Variants in ENPP4 observed in about 807,000 individuals in gnomAD.
ENPP4 encodes the protein bis(5'-adenosyl)-triphosphatase ENPP4.
ENPP4 carries 18 observed loss-of-function variants against 33.4 expected under a neutral mutation model. The observed-to-expected ratio is 0.54, with a 90% CI of 0.37 to 0.80. ENPP4 has a LOEUF of 0.80. Ranked by LOEUF, ENPP4 falls within the 30% of genes least tolerant of loss-of-function variation. The probability of loss-of-function intolerance (pLI) is 0.00; values close to 1 mark genes in which losing one functional copy is unlikely to be tolerated. For synonymous variants in ENPP4, 172 were observed against 189.9 expected, an observed-to-expected ratio of 0.91 and a Z score of 0.78; for missense variants, 480 against 541.7, an observed-to-expected ratio of 0.89 and a Z score of 1.13.
intron 1 of ENPP4, among the ~76,000 whole-genome samples, chr6:46,132,037 G>T (rs9472692): frequency 0.32 from 47,873 of 151,896 alleles, 7,983 homozygotes; most frequent in Middle Eastern, 0.44. Context: ...TGAATTCATT[G>T]TAGATTCTGG....
Position 46,141,033 on chromosome 6 carries a change from GTTTCT to G in ENPP4, c.827-15_827-11del. 1.3e-6 allele frequency: 2 copies of G among 1,527,962 alleles called. No individual in the cohort carries two copies. Among genetic ancestry groups the G allele is most frequent in the East Asian group, 2.3e-5 (1 of 43,650 alleles). The allele number at this position is 1,527,962 out of a possible 1,614,324, so 94.7% of individuals were successfully genotyped here. A position where few individuals can be genotyped will look rare whatever the true frequency, so the allele number is the denominator to read the frequency against. ...TCAATCATAACTTGTTTCCTTTGCT[GTTTCT>G]TTTTTTTTCTCAGATAGAACAGAGG... On this transcript the variant is annotated splice_polypyrimidine_tract_variant and intron_variant, in intron 2 of 3. Coordinates refer to ENST00000321037, the MANE Select transcript of ENPP4 (RefSeq NM_014936.5).
intron 3 of ENPP4, among the ~76,000 whole-genome samples, chr6:46,142,754 C>G (rs986881248): frequency 7.9e-5 from 12 of 151,604 alleles, no homozygotes; most frequent in Non-Finnish European, 1.2e-4. Context: ...CTATCATATG[C>G]TTTTCTTTAA....
intron 1 of ENPP4, among the ~76,000 whole-genome samples, chr6:46,137,577 T>C (rs1423613542): frequency 6.6e-6 from 1 of 151,858 alleles, no homozygotes; most frequent in Non-Finnish European, 1.5e-5. Flanking sequence ...GTAAGTACCA[T>C]TGTCTAGATT....
At position 46,144,921 on chromosome 6, in the gene ENPP4, G is replaced by A; in HGVS notation, c.*1281G>A. On this transcript the variant is annotated 3_prime_UTR_variant, in exon 4 of 4. Transcript: ENST00000321037. ...GTTTAACATGTTTGTTCAGAGCCAA[G>A]GGTTTATTGTGAAGAACTGTCATCC... is the stretch of plus-strand genomic sequence containing the variant. 2.5e-6 allele frequency: 1 copy of A among 396,260 alleles called. No homozygotes were observed. The highest frequency in any genetic ancestry group is 4.5e-6 in the Non-Finnish European group (1 of 224,388). 24.5% of individuals were successfully genotyped at this position (396,260 alleles called of 1,614,324 possible).
rs1285370354 is a variant in ENPP4, at chr6:46,139,925, T to A, written c.342T>A (p.Asn114Lys). 1 of 1,612,914 alleles carries A rather than the reference T, an allele frequency of 6.2e-7. No homozygotes were observed. The highest frequency in any genetic ancestry group is 1.1e-5 in the South Asian group (1 of 91,062). Reference protein sequence around the residue: ...DSNDKDPFWWNEAVPIWVTNQ... With the variant: ...DSNDKDPFWWKEAVPIWVTNQ... ...ATGACAAGGATCCTTTTTGGTGGAA[T>A]GAGGCAGTACCTATTTGGGTGACCA... Residue 114 changes from asparagine (N) to lysine (K), a missense_variant, in exon 2 of 4, where the codon AAT (asparagine) becomes AAA (lysine). Physicochemically the swap from Asn to Lys is moderately conservative, Grantham distance 94. This residue lies in a region of ENPP4 where 227 missense variants were observed against 273.7 expected (regional missense o/e 0.83). Transcript: ENST00000321037.
In ENPP4 at chr6:46,140,349, G is replaced by C. The variant is rs767656795; in HGVS notation, c.766G>C (p.Asp256His). Residue 256 changes from aspartate to histidine, a missense_variant, in exon 2 of 4, where the codon GAT (aspartate) becomes CAT (histidine). Physicochemically the swap from Asp to His is moderately conservative, Grantham distance 81. Around this residue, in one of 3 missense-constraint regions of ENPP4, gnomAD observed 249 missense variants for 251.8 expected, o/e 0.99. Transcript: ENST00000321037. ...ACTGATAAACCTGGATTCCTGCATCGATCATTCATACTACACTCTTATAGA... is the reference window on the plus strand; with the variant it reads ...ACTGATAAACCTGGATTCCTGCATCCATCATTCATACTACACTCTTATAGA... Reference protein sequence around the residue: ...DRLINLDSCIDHSYYTLIDLS... With the variant: ...DRLINLDSCIHHSYYTLIDLS... 1.2e-6 allele frequency: 2 copies of C among 1,609,368 alleles called. No individual in the cohort carries two copies. Among genetic ancestry groups the C allele is most frequent in the East Asian group, 4.5e-5 (2 of 44,832 alleles).
At chr6:46,139,381 T>A (rs1764021788) in intron 1 of ENPP4, among the ~76,000 whole-genome samples, 170 bp from the exon 2 acceptor site, 1 of 151,256 alleles carries the variant, frequency 6.6e-6, no homozygotes, top group Non-Finnish European at 1.5e-5. Context: ...CAAGACAATT[T>A]TTTTTCCAAT....
At position 46,141,178 on chromosome 6, in the gene ENPP4, C is replaced by T. The variant is rs763623755; in HGVS notation, c.953C>T (p.Ala318Val). 1.2e-6 allele frequency: 2 copies of T among 1,609,162 alleles called. No individual in the cohort carries two copies. The highest frequency in any genetic ancestry group is 1.7e-6 in the Non-Finnish European group (2 of 1,176,864). Residue 318 changes from alanine to valine, a missense_variant, in exon 3 of 4, where the codon GCC (alanine) becomes GTC (valine). Around this residue, in one of 3 missense-constraint regions of ENPP4, gnomAD observed 249 missense variants for 251.8 expected, o/e 0.99. Coordinates refer to ENST00000321037, the MANE Select transcript of ENPP4 (RefSeq NM_014936.5). Reference sequence around the variant, plus strand: ...CGAATTCAGCCCATTATTTTGGTTGCCGATGAAGGCTGGACAATTGTGCTA... The same window carrying T: ...CGAATTCAGCCCATTATTTTGGTTGTCGATGAAGGCTGGACAATTGTGCTA... ...NDRIQPIILV[A>V]DEGWTIVLNE...
At chr6:46,132,558 A>C (rs1034211957) in intron 1 of ENPP4, among the ~76,000 whole-genome samples, 1 of 152,036 alleles carries the variant, frequency 6.6e-6, no homozygotes, top group African/African-American at 2.4e-5. Flanking sequence ...GTTACTGTGG[A>C]CTTGTAGTAT....
intron 1 of ENPP4, among the ~76,000 whole-genome samples, chr6:46,138,632 T>C (rs1175911599): frequency 6.6e-6 from 1 of 151,740 alleles, no homozygotes; most frequent in Non-Finnish European, 1.5e-5. Flanking sequence ...TTGCTCCTTC[T>C]CTCCTGTTAC....
At position 46,145,713 on chromosome 6, in the gene ENPP4, G is replaced by A. The variant is rs374976841; in HGVS notation, c.*2073G>A. The A allele has an allele frequency of 1.7e-4, 26 of 151,904 alleles. No homozygotes were observed. In the East Asian group the frequency reaches 2.9e-3, roughly 17 times the overall value. 9.4% of individuals were successfully genotyped at this position (151,904 alleles called of 1,614,324 possible). On this transcript the variant is annotated 3_prime_UTR_variant, in exon 4 of 4. Coordinates refer to ENST00000321037, the MANE Select transcript of ENPP4 (RefSeq NM_014936.5). ...ATTTTATATAGGATGGAACAGGAAG[G>A]TATGTCCTGTCAGTATCTTAACCCT...
rs1487506245 is a variant in ENPP4, at chr6:46,140,353, A to C, written c.770A>C (p.His257Pro). 1.9e-6 allele frequency: 3 copies of C among 1,609,358 alleles called. No individual in the cohort carries two copies. In the South Asian group the frequency reaches 3.3e-5, roughly 18 times the overall value. The stretch of plus-strand genomic sequence containing the variant: ...ATAAACCTGGATTCCTGCATCGATC[A>C]TTCATACTACACTCTTATAGATTTG... Reference protein sequence around the residue: ...RLINLDSCIDHSYYTLIDLSP... With the variant: ...RLINLDSCIDPSYYTLIDLSP... Residue 257 changes from histidine (H) to proline (P), a missense_variant, in exon 2 of 4, where the codon CAT becomes CCT. Physicochemically the swap from His to Pro is moderately conservative, Grantham distance 77. Transcript: ENST00000321037.
intron 1 of ENPP4, among the ~76,000 whole-genome samples, chr6:46,130,442 G>A (rs1377696872): frequency 2.0e-5 from 3 of 152,348 alleles, no homozygotes; most frequent in East Asian, 3.9e-4. Flanking sequence ...AAGGCAACCT[G>A]TGGTGTTAAG....
chr6:46,133,847 C>T (rs1763938165), intron 1 of ENPP4, among the ~76,000 whole-genome samples: 2 of 152,026 alleles, frequency 1.3e-5, no homozygotes, highest in South Asian at 2.1e-4. Context: ...GACATGGATC[C>T]GGCACTGCTA....
intron 1 of ENPP4, among the ~76,000 whole-genome samples, chr6:46,133,274 C>A (rs1205198250): frequency 1.3e-5 from 2 of 152,026 alleles, no homozygotes; most frequent in Non-Finnish European, 2.9e-5. Context: ...ATTTAGAATC[C>A]TACGATTTTT....
At chr6:46,130,809 G>A (rs953476193) in intron 1 of ENPP4, among the ~76,000 whole-genome samples, 1 of 152,152 alleles carries the variant, frequency 6.6e-6, no homozygotes, top group African/African-American at 2.4e-5. Flanking sequence ...CGAAAGTCAG[G>A]CTCAGAGAAG....
chr6:46,138,259 C>G (rs1259263595), intron 1 of ENPP4, among the ~76,000 whole-genome samples: 1 of 151,798 alleles, frequency 6.6e-6, no homozygotes, highest in Non-Finnish European at 1.5e-5. Context: ...TGCTGCAGCC[C>G]CAATTTCAGC....
rs1007879741 is a variant in ENPP4, at chr6:46,129,993, G to T, written c.-230G>T. ...GCTCGCCTGGCAGCTGCGCACACTC[G>T]GAGCGCCCCGAGCGGCGCAGATAGG... is the stretch of plus-strand genomic sequence containing the variant. On this transcript the variant is annotated 5_prime_UTR_variant, in exon 1 of 4. Coordinates refer to ENST00000321037, the MANE Select transcript of ENPP4 (RefSeq NM_014936.5). The T allele has an allele frequency of 1.6e-4, 25 of 152,304 alleles. No individual in the cohort carries two copies. The highest frequency in any genetic ancestry group is 6.0e-4 in the African/African-American group (25 of 41,466). The allele number at this position is 152,304 out of a possible 1,614,324, so 9.4% of individuals were successfully genotyped here.
intron 3 of ENPP4, among the ~76,000 whole-genome samples, chr6:46,141,543 A>G (rs1015473779): frequency 6.6e-6 from 1 of 151,666 alleles, no homozygotes; most frequent in Non-Finnish European, 1.5e-5. Flanking sequence ...AAGGGGAGAG[A>G]TTAGCTAATC....
Sources: gnomAD v4.1 joint callset for allele counts (sites outside exome capture counted in the v4.1 genomes callset) on GRCh38, gnomAD v4.1.1 for gene constraint, gnomAD v4.1.1 regional missense constraint, MANE v1.5 for transcripts, NCBI Gene and HGNC (gene_info 2026-07-23, HGNC 2026-07-21) for gene names.